Variants in SORCS2 observed in about 807,000 individuals in gnomAD.
The protein encoded by SORCS2 is sortilin related VPS10 domain containing receptor 2, also known as VPS10 domain-containing receptor SorCS2.
A neutral mutation model predicts 141.6 loss-of-function variants in SORCS2; 100 were observed. That is an observed-to-expected ratio of 0.71 (90% CI 0.60 to 0.83). SORCS2 has a LOEUF of 0.83. SORCS2 is among the 40% of genes least tolerant of loss of function. SORCS2 has a pLI of 0.00. For synonymous variants in SORCS2, 789 were observed against 676.9 expected (o/e 1.17, Z -2.57); for missense variants, 1,646 against 1,560.2 (o/e 1.05, Z -0.93).
intron 10 of SORCS2, among the ~76,000 whole-genome samples, chr4:7,689,036 G>C (rs547441336): frequency 6.6e-6 from 1 of 152,184 alleles, no homozygotes; most frequent in Non-Finnish European, 1.5e-5. Flanking sequence ...GAATGAATAA[G>C]TATGAGCTTG....
chr4:7,260,804 G>A (rs73206440), intron 1 of SORCS2, among the ~76,000 whole-genome samples: 2 of 152,334 alleles, frequency 1.3e-5, no homozygotes, highest in Non-Finnish European at 2.9e-5. Flanking sequence ...AGACACAGTG[G>A]TGAAAGCCGG....
chr4:7,507,300 G>A lies in SORCS2; in HGVS notation c.549-24230G>A, dbSNP rs573874688. ...AGTGATTCCCCTGCCTCAGCCTCCT[G>A]AGTAGCTGGGATTACAGGCGCGTGC... is the stretch of plus-strand genomic sequence containing the variant. On this transcript the variant is annotated intron_variant, in intron 2 of 26. Coordinates refer to ENST00000507866, the MANE Select transcript of SORCS2 (RefSeq NM_020777.3). 7.2e-5 allele frequency among the ~76,000 whole-genome samples: 11 copies of A among 152,206 alleles called. No individual in the cohort carries two copies. The East Asian group carries it at 2.1e-3, about 29-fold the overall frequency.
At chr4:7,220,435 T>A (rs1454932958) in intron 1 of SORCS2, among the ~76,000 whole-genome samples, 1 of 152,068 alleles carries the variant, frequency 6.6e-6, no homozygotes, top group African/African-American at 2.4e-5. Context: ...AGAAAAGGAA[T>A]GAGTGGATGA....
chr4:7,400,182 C>T (rs1445759806), intron 2 of SORCS2, among the ~76,000 whole-genome samples: 3 of 152,076 alleles, frequency 2.0e-5, no homozygotes, highest in Middle Eastern at 3.2e-3. Context: ...TCAGCTCCTC[C>T]CACTCTACCT....
intron 1 of SORCS2, among the ~76,000 whole-genome samples, chr4:7,290,122 G>T (rs1716508511): frequency 6.6e-6 from 1 of 152,180 alleles, no homozygotes; most frequent in African/African-American, 2.4e-5. Context: ...CCCTGGGCTG[G>T]CAGGAAGCTG....
intron 2 of SORCS2, chr4:7,434,049 C>T (rs769554287): frequency 6.2e-7 from 1 of 1,611,252 alleles, no homozygotes; most frequent in Non-Finnish European, 8.5e-7. Flanking sequence ...TTGGCAACCC[C>T]AGCTCCAGGG....
At chr4:7,346,234 T>C (rs1365791076) in intron 1 of SORCS2, among the ~76,000 whole-genome samples, 1 of 152,242 alleles carries the variant, frequency 6.6e-6, no homozygotes, top group Non-Finnish European at 1.5e-5. Flanking sequence ...CATTATGATA[T>C]GTTGTGCTTC....
At chr4:7,537,149 C>CA (rs1330880498) in intron 3 of SORCS2, among the ~76,000 whole-genome samples, 3 of 152,228 alleles carry the variant, frequency 2.0e-5, no homozygotes, top group Non-Finnish European at 2.9e-5. Flanking sequence ...CCTTACTGCA[C>CA]ACCGGGCGCA....
intron 1 of SORCS2, among the ~76,000 whole-genome samples, chr4:7,197,773 G>A (rs745470566): frequency 4.6e-5 from 7 of 152,210 alleles, no homozygotes; most frequent in Non-Finnish European, 1.0e-4. Flanking sequence ...AAGAGTCCGT[G>A]TCGCAGTGAC....
At chr4:7,554,946 T>A (rs1286186115) in intron 3 of SORCS2, among the ~76,000 whole-genome samples, 2 of 152,156 alleles carry the variant, frequency 1.3e-5, no homozygotes, top group Admixed American at 6.5e-5. Flanking sequence ...GTCCAAGGCA[T>A]GGAGGCTCAG....
chr4:7,428,586 C>A (rs982534994), intron 2 of SORCS2, among the ~76,000 whole-genome samples: 1 of 152,096 alleles, frequency 6.6e-6, no homozygotes, highest in Non-Finnish European at 1.5e-5. Flanking sequence ...TGATGCTGGG[C>A]AGGGTTCTGC....
intron 1 of SORCS2, among the ~76,000 whole-genome samples, chr4:7,296,868 G>A (rs1465190404): frequency 6.6e-6 from 1 of 152,186 alleles, no homozygotes; most frequent in African/African-American, 2.4e-5. Context: ...GGGGACAGAA[G>A]AGGCATGGGT....
chr4:7,466,397 C>G (rs1343402862), intron 2 of SORCS2, among the ~76,000 whole-genome samples: 1 of 152,162 alleles, frequency 6.6e-6, no homozygotes, highest in Non-Finnish European at 1.5e-5. Context: ...CTGGCCAGAG[C>G]TCAGTCACGT....
At chr4:7,688,082 C>T (rs182253848) in intron 10 of SORCS2, among the ~76,000 whole-genome samples, 2 of 152,326 alleles carry the variant, frequency 1.3e-5, no homozygotes, top group East Asian at 3.9e-4. Flanking sequence ...TATCCAATTT[C>T]CTGAATGGTT....
At chr4:7,661,392 C>A in intron 5 of SORCS2, 108 bp from the exon 6 acceptor site, 1 of 1,159,764 alleles carries the variant, frequency 8.6e-7, no homozygotes, top group Non-Finnish European at 1.3e-6. Flanking sequence ...AGAGCAAGGG[C>A]GGCTTCAGAA....
intron 3 of SORCS2, among the ~76,000 whole-genome samples, chr4:7,565,543 G>T (rs919456169): frequency 6.6e-6 from 1 of 152,154 alleles, no homozygotes; most frequent in African/African-American, 2.4e-5. Flanking sequence ...TGATGGTGAC[G>T]TGATGATGAT....
chr4:7,643,651 A>G (rs922581913), intron 4 of SORCS2, among the ~76,000 whole-genome samples: 8 of 152,224 alleles, frequency 5.3e-5, no homozygotes, highest in Admixed American at 6.5e-5. Flanking sequence ...AGGGCAATAA[A>G]GATGATCACA....
chr4:7,395,217 T>G (rs1724131378), intron 1 of SORCS2, among the ~76,000 whole-genome samples: 1 of 152,296 alleles, frequency 6.6e-6, no homozygotes, highest in East Asian at 1.9e-4. Context: ...AGAAAGATAC[T>G]AGGTCAGCCC....
chr4:7,377,050 A>T (rs1330256786), intron 1 of SORCS2, among the ~76,000 whole-genome samples: 1 of 152,244 alleles, frequency 6.6e-6, no homozygotes, highest in East Asian at 1.9e-4. Context: ...GGAAAGAGGC[A>T]TATAAGCATG....
Sources: gnomAD v4.1 joint callset for allele counts (sites outside exome capture counted in the v4.1 genomes callset) on GRCh38, gnomAD v4.1.1 for gene constraint, MANE v1.5 for transcripts, NCBI Gene and HGNC (gene_info 2026-07-23, HGNC 2026-07-21) for gene names.